Variants in ZFPM2 observed in about 807,000 individuals in gnomAD.
ZFPM2 encodes zinc finger protein ZFPM2.
In ZFPM2, 20 loss-of-function variants were observed where a neutral mutation model predicts 98.6. That is an observed-to-expected ratio of 0.20 (90% CI 0.14 to 0.29). The LOEUF is 0.29. Among genes scored for constraint, ZFPM2 ranks in the 10% least tolerant of loss-of-function variants. The pLI, the probability that ZFPM2 is intolerant of heterozygous loss-of-function variation, is 1.00. For synonymous variants in ZFPM2, 518 were observed against 502.7 expected (o/e 1.03, Z -0.41); for missense variants, 1,310 against 1,388.6 (o/e 0.94, Z 0.90).
chr8:105,658,852 AC>A (rs1234528862), intron 5 of ZFPM2, among the ~76,000 whole-genome samples: 2 of 152,224 alleles, frequency 1.3e-5, no homozygotes, highest in Non-Finnish European at 2.9e-5. Context: ...CTGGATGAAA[AC>A]AGCCAAAGCC....
intron 4 of ZFPM2, among the ~76,000 whole-genome samples, chr8:105,579,250 A>G (rs755827050): frequency 7.2e-5 from 11 of 152,294 alleles, no homozygotes; most frequent in Non-Finnish European, 1.3e-4. Flanking sequence ...TTAAGCATTT[A>G]GCATCCTATA....
In ZFPM2 at chr8:105,430,901, C is replaced by CT. The variant is rs570944607; in HGVS notation, c.199+11618dup. On this transcript the variant is annotated intron_variant, in intron 2 of 7. Transcript: ENST00000407775. ...TTGGCTTGTATCCCATTGTCCACAA[C>CT]TTTTTTTTTTTTTTTTTTTCGAGAT... is the stretch of plus-strand genomic sequence containing the variant. Among the ~76,000 whole-genome samples the CT allele has an allele frequency of 5.8e-3, 748 of 128,778 alleles. 8 individuals carry two copies. The highest frequency in any genetic ancestry group is 0.018 in the African/African-American group (597 of 33,720). The allele number at this position is 128,778 out of a possible 152,430, so 84.5% of individuals were successfully genotyped here.
intron 5 of ZFPM2, among the ~76,000 whole-genome samples, chr8:105,694,936 A>G (rs1810979614): frequency 6.6e-6 from 1 of 152,200 alleles, no homozygotes; most frequent in Non-Finnish European, 1.5e-5. Context: ...ACTCTGAGCC[A>G]GGACAATCCA....
At chr8:105,449,823 A>C (rs1472583607) in intron 3 of ZFPM2, among the ~76,000 whole-genome samples, 2 of 152,068 alleles carry the variant, frequency 1.3e-5, no homozygotes, top group Non-Finnish European at 2.9e-5. Context: ...CTAAGTGCTC[A>C]ATTAATTACT....
chr8:105,597,777 A>G (rs752102487), intron 4 of ZFPM2, among the ~76,000 whole-genome samples: 6 of 152,160 alleles, frequency 3.9e-5, no homozygotes, highest in African/African-American at 9.7e-5. Context: ...ATGGTCTCCT[A>G]TTTAATTTTT....
chr8:105,639,435 GTCAA>G (rs531748496), intron 5 of ZFPM2, among the ~76,000 whole-genome samples: 145 of 152,126 alleles, frequency 9.5e-4, no homozygotes, highest in Admixed American at 1.3e-3. Flanking sequence ...AATAAACACT[GTCAA>G]TCAAGAGAGT....
At chr8:105,713,591 C>G (rs1242999304) in intron 5 of ZFPM2, among the ~76,000 whole-genome samples, 1 of 151,698 alleles carries the variant, frequency 6.6e-6, no homozygotes, top group African/African-American at 2.4e-5. Context: ...AATTCTTTAC[C>G]TAGGCTGATG....
chr8:105,536,236 T>C (rs1326827538), intron 3 of ZFPM2, among the ~76,000 whole-genome samples: 3 of 152,158 alleles, frequency 2.0e-5, no homozygotes, highest in Non-Finnish European at 4.4e-5. Context: ...TTTTACTGCT[T>C]AATAATGAAT....
At chr8:105,368,216 G>A (rs2129797796) in intron 1 of ZFPM2, among the ~76,000 whole-genome samples, 1 of 149,540 alleles carries the variant, frequency 6.7e-6, no homozygotes. Context: ...GCCCAGCTTT[G>A]GTATCAGAAT....
chr8:105,359,367 C>CTTTTTTTTTTTTTTT (rs111675257), intron 1 of ZFPM2, among the ~76,000 whole-genome samples: 1 of 135,356 alleles, frequency 7.4e-6, no homozygotes. Flanking sequence ...CTTTTTCTTT[C>CTTTTTTTTTTTTTTT]TTTTTTTTTT....
intron 5 of ZFPM2, among the ~76,000 whole-genome samples, chr8:105,755,016 C>G (rs1812567014): frequency 6.6e-6 from 1 of 150,840 alleles, no homozygotes; most frequent in Non-Finnish European, 1.5e-5. Context: ...GTGTGTGTTG[C>G]AGGAATAGTT....
At chr8:105,423,164 GAAAT>G (rs1355986024) in intron 2 of ZFPM2, among the ~76,000 whole-genome samples, 1 of 152,104 alleles carries the variant, frequency 6.6e-6, no homozygotes, top group East Asian at 1.9e-4. Flanking sequence ...AGATTCCACA[GAAAT>G]GTCCGAGATT....
At chr8:105,651,652 C>T (rs775488563) in intron 5 of ZFPM2, among the ~76,000 whole-genome samples, 8 of 152,160 alleles carry the variant, frequency 5.3e-5, no homozygotes, top group Non-Finnish European at 1.2e-4. Context: ...AAAGATCCAG[C>T]CCAGGGTGGG....
intron 6 of ZFPM2, among the ~76,000 whole-genome samples, chr8:105,793,975 C>T (rs1288539607): frequency 3.9e-5 from 6 of 152,070 alleles, no homozygotes; most frequent in African/African-American, 1.4e-4. Context: ...GTTATACATT[C>T]GTCTAAATTT....
At chr8:105,463,136 A>G (rs770461053) in intron 3 of ZFPM2, among the ~76,000 whole-genome samples, 1 of 152,128 alleles carries the variant, frequency 6.6e-6, no homozygotes, top group Non-Finnish European at 1.5e-5. Flanking sequence ...AGTCCAAGAT[A>G]GTTGCTTAAA....
chr8:105,332,862 G>A (rs1029209940), intron 1 of ZFPM2, among the ~76,000 whole-genome samples: 1 of 151,662 alleles, frequency 6.6e-6, no homozygotes, highest in African/African-American at 2.4e-5. Flanking sequence ...AAGGTCCAGT[G>A]AATAGTTGTG....
At chr8:105,641,589 G>A (rs1396706555) in intron 5 of ZFPM2, among the ~76,000 whole-genome samples, 2 of 152,056 alleles carry the variant, frequency 1.3e-5, no homozygotes, top group African/African-American at 4.8e-5. Context: ...CAGAATGGCA[G>A]CAACTTCTGC....
intron 1 of ZFPM2, among the ~76,000 whole-genome samples, chr8:105,323,042 A>G (rs1477309811): frequency 1.3e-5 from 2 of 151,734 alleles, no homozygotes; most frequent in Non-Finnish European, 2.9e-5. Flanking sequence ...TATTTGTCAC[A>G]TGAAAACCTC....
At chr8:105,756,940 A>T (rs1484419357) in intron 5 of ZFPM2, among the ~76,000 whole-genome samples, 1 of 152,208 alleles carries the variant, frequency 6.6e-6, no homozygotes, top group Non-Finnish European at 1.5e-5. Context: ...ACAGAATGGG[A>T]ACAGGGAAGA....
Sources: gnomAD v4.1 joint callset for allele counts (sites outside exome capture counted in the v4.1 genomes callset) on GRCh38, gnomAD v4.1.1 for gene constraint, MANE v1.5 for transcripts, NCBI Gene and HGNC (gene_info 2026-07-23, HGNC 2026-07-21) for gene names.